The following WDR17 variants were observed in gnomAD, a reference collection of about 807,000 sequenced individuals.
WDR17 encodes WD repeat-containing protein 17.
WDR17 carries 143 observed loss-of-function variants against 161.7 expected under a neutral mutation model. That is an observed-to-expected ratio of 0.88 (90% confidence interval 0.77 to 1.02). The LOEUF (loss-of-function observed/expected upper bound fraction) is 1.02, where lower values mean the gene tolerates loss of function less well. WDR17 is among the 50% of genes least tolerant of loss of function. WDR17 has a pLI of 0.00. For synonymous variants in WDR17, 517 were observed against 515.6 expected (o/e 1.00, Z -0.04); for missense variants, 1,469 against 1,520.9 (o/e 0.97, Z 0.57).
intron 1 of WDR17, among the ~76,000 whole-genome samples, chr4:176,094,301 C>T (rs934035089): frequency 5.3e-5 from 8 of 152,290 alleles, no homozygotes; most frequent in African/African-American, 7.2e-5. Flanking sequence ...ACTCAACATA[C>T]ATTTTGTATC....
At chr4:176,099,832 A>G (rs1737521965) in intron 1 of WDR17, among the ~76,000 whole-genome samples, 1 of 152,084 alleles carries the variant, frequency 6.6e-6, no homozygotes, top group African/African-American at 2.4e-5. Context: ...TATGAATGGG[A>G]ACATGTGATA....
At chr4:176,122,170 T>G (rs1243705943) in intron 4 of WDR17, among the ~76,000 whole-genome samples, 2 of 152,214 alleles carry the variant, frequency 1.3e-5, no homozygotes, top group African/African-American at 4.8e-5. Context: ...GTTCCTTGGC[T>G]TGTGGCAGTA....
Position 176,137,612 on chromosome 4 carries a change from G to A in WDR17, c.1359+1G>A. 6.4e-7 allele frequency: 1 copy of A among 1,571,804 alleles called. No individual in the cohort carries two copies. Among genetic ancestry groups the A allele is most frequent in the Non-Finnish European group, 8.7e-7 (1 of 1,150,562 alleles). On this transcript the variant is annotated splice_donor_variant, in intron 9 of 28. Transcript: ENST00000508596. LOFTEE classifies it high-confidence loss of function. Reference sequence around the variant, plus strand: ...CAAAATTATACAACGATTTAATGAGGTAAGATTTATTTATTGCTACTGAAT... The same window carrying A: ...CAAAATTATACAACGATTTAATGAGATAAGATTTATTTATTGCTACTGAAT...
intron 1 of WDR17, among the ~76,000 whole-genome samples, chr4:176,104,391 A>G (rs992302406): frequency 1.3e-5 from 2 of 152,052 alleles, no homozygotes; most frequent in African/African-American, 2.4e-5. Flanking sequence ...AAACAATGCT[A>G]TTGTTTGTTT....
At chr4:176,167,644 C>CAA (rs34187946) in intron 22 of WDR17, among the ~76,000 whole-genome samples, 1,346 of 23,740 alleles carry the variant, frequency 0.057, 285 homozygotes, top group South Asian at 0.065. Context: ...GACTCCGTCT[C>CAA]AAAAAAAAAA....
In WDR17 at chr4:176,148,494, C is replaced by T. The variant is rs193083046; in HGVS notation, c.1897+159C>T. 6.9e-3 allele frequency among the ~76,000 whole-genome samples: 1,049 copies of T among 152,198 alleles called. 6 individuals carry two copies. Among genetic ancestry groups the T allele is most frequent in the Non-Finnish European group, 0.011 (726 of 68,016 alleles). On this transcript the variant is annotated intron_variant, in intron 13 of 28. Transcript: ENST00000508596. The stretch of plus-strand genomic sequence containing the variant: ...AATATACACGTTTATTATTATAATA[C>T]CAGAATGTGCAGAAGAAAAAGTCAA...
chr4:176,130,516 G>A (rs1003381994), intron 6 of WDR17, among the ~76,000 whole-genome samples: 5 of 152,002 alleles, frequency 3.3e-5, no homozygotes, highest in South Asian at 2.1e-4. Flanking sequence ...AGGCCAAGGC[G>A]GGCAGATCAC....
intron 1 of WDR17, among the ~76,000 whole-genome samples, chr4:176,110,274 T>G (rs1165543218): frequency 6.6e-6 from 1 of 152,178 alleles, no homozygotes; most frequent in African/African-American, 2.4e-5. Flanking sequence ...CCTGAGTAGC[T>G]GGGACCACAG....
At position 176,162,099 on chromosome 4, in the gene WDR17, A is replaced by C; in HGVS notation, c.2775A>C (p.Glu925Asp). Residue 925 changes from glutamate (E) to aspartate (D), a missense_variant, in exon 21 of 29, where the codon GAA becomes GAC. By Grantham distance (45) the Glu-to-Asp change is conservative. Transcript: ENST00000508596. ...FNELLHKVSK[E>D]LAEWYFQDGR... ...GACTCCTGCACAAAGTCAGTAAAGA[A>C]CTGGCAGAATGGTATTTTCAAGATG... 6.2e-7 allele frequency: 1 copy of C among 1,613,118 alleles called. No homozygotes were observed. The highest frequency in any genetic ancestry group is 8.5e-7 in the Non-Finnish European group (1 of 1,179,422).
intron 1 of WDR17, among the ~76,000 whole-genome samples, chr4:176,092,480 A>G (rs925510600): frequency 6.6e-6 from 1 of 152,302 alleles, no homozygotes; most frequent in Admixed American, 6.5e-5. Flanking sequence ...GAATGGGAAA[A>G]ATCTGAAAGC....
intron 6 of WDR17, 29 bp from the exon 7 acceptor site, chr4:176,131,525 C>T: frequency 3.2e-6 from 5 of 1,565,084 alleles, no homozygotes; most frequent in Middle Eastern, 1.7e-4. Context: ...GGTTTCATTC[C>T]AATAGGATTT....
At chr4:176,142,207 A>G (rs576841303) in intron 11 of WDR17, 138 bp downstream of exon 11, 1 of 518,308 alleles carries the variant, frequency 1.9e-6, no homozygotes, top group South Asian at 5.9e-5. Flanking sequence ...CAAATGAGAA[A>G]CAGCCTTGTA....
At chr4:176,158,306 G>A (rs1579219906) in intron 18 of WDR17, among the ~76,000 whole-genome samples, 1 of 152,140 alleles carries the variant, frequency 6.6e-6, no homozygotes. Flanking sequence ...GTGATGTGGG[G>A]ACTGAGAAAA....
At position 176,120,288 on chromosome 4, in the gene WDR17, T is replaced by TTATATATA. The variant is rs33940735; in HGVS notation, c.538+216_538+223dup. On this transcript the variant is annotated intron_variant, in intron 4 of 28. Coordinates refer to ENST00000508596, the MANE Select transcript of WDR17 (RefSeq NM_181265.4). Reference sequence around the variant, plus strand: ...TGAGTCTAAATATTCATTTGAAGTTTTATATATATATATATATATATATAT... The same window carrying TTATATATA: ...TGAGTCTAAATATTCATTTGAAGTTTTATATATATATATATATATATATATATATATAT... Among the ~76,000 whole-genome samples, 1,203 of 136,384 alleles carry TTATATATA rather than the reference T, an allele frequency of 8.8e-3. 6 individuals are homozygous for TTATATATA. The highest frequency in any genetic ancestry group is 0.019 in the South Asian group (81 of 4,256). The allele number at this position is 136,384 out of a possible 152,430, so 89.5% of individuals were successfully genotyped here.
chr4:176,072,804 T>C (rs2126553524), intron 1 of WDR17, among the ~76,000 whole-genome samples: 1 of 152,286 alleles, frequency 6.6e-6, no homozygotes, highest in South Asian at 2.1e-4. Context: ...GCAATACATT[T>C]CCATTACAGA....
At chr4:176,135,007 A>G (rs1744170110) in intron 7 of WDR17, 101 bp from the exon 8 acceptor site, 1 of 1,205,354 alleles carries the variant, frequency 8.3e-7, no homozygotes, top group Admixed American at 2.3e-5. Flanking sequence ...TAATATTTGG[A>G]AAACCGTATA....
rs1380762377 is a variant in WDR17, at chr4:176,181,693, A to C, written c.*2114A>C. 2.0e-5 allele frequency: 3 copies of C among 152,980 alleles called. No individual in the cohort carries two copies. Among genetic ancestry groups the C allele is most frequent in the Non-Finnish European group, 4.4e-5 (3 of 68,400 alleles). 9.5% of individuals were successfully genotyped at this position (152,980 alleles called of 1,614,324 possible). A position where few individuals can be genotyped will look rare whatever the true frequency, so the allele number is the denominator to read the frequency against. ...TCTCAATCCTACTGTCATTCTTTTT[A>C]TTTTAAAATAAATAAATAAGCCTAT... On this transcript the variant is annotated 3_prime_UTR_variant, in exon 29 of 29. Coordinates refer to ENST00000508596, the MANE Select transcript of WDR17 (RefSeq NM_181265.4).
intron 12 of WDR17, 120 bp downstream of exon 12, chr4:176,146,279 G>C (rs1214672644): frequency 1.1e-5 from 12 of 1,061,914 alleles, no homozygotes; most frequent in Non-Finnish European, 1.3e-5. Context: ...TGTCACCCAG[G>C]CTGGAATGCA....
intron 12 of WDR17, among the ~76,000 whole-genome samples, chr4:176,147,382 T>C (rs1732782240): frequency 6.6e-6 from 1 of 152,166 alleles, no homozygotes; most frequent in Admixed American, 6.5e-5. Context: ...TTAATTTCAG[T>C]AACATTTGTA....
Sources: allele counts gnomAD v4.1 joint callset (sites outside exome capture counted in the v4.1 genomes callset), GRCh38; gene constraint gnomAD v4.1.1; transcripts MANE v1.5; gene names NCBI Gene and HGNC (gene_info 2026-07-23, HGNC 2026-07-21).